STXBP4: variants seen among roughly 807,000 people sequenced by gnomAD.
The protein encoded by STXBP4 is syntaxin-binding protein 4.
Under a neutral mutation model 76.1 loss-of-function variants are expected in STXBP4, and 55 were observed. That is an observed-to-expected ratio of 0.72 (90% CI 0.58 to 0.91). The LOEUF (loss-of-function observed/expected upper bound fraction) is 0.91. STXBP4 is among the 40% of genes least tolerant of loss of function. The pLI is 0.00. For missense variants in STXBP4, 618 were observed against 636.9 expected, an observed-to-expected ratio of 0.97 and a Z score of 0.32; for synonymous variants, 201 against 220.2, an observed-to-expected ratio of 0.91 and a Z score of 0.77.
rs2080363548 is a variant in STXBP4 at position 55,164,434 on chromosome 17, A to ATTTTTTTT, written c.*4526_*4527insTTTTTTTT. 1.3e-5 allele frequency: 1 copy of ATTTTTTTT among 76,616 alleles called. No homozygotes were observed. Among genetic ancestry groups the ATTTTTTTT allele is most frequent in the Non-Finnish European group, 2.7e-5 (1 of 36,790 alleles). 4.7% of individuals were successfully genotyped at this position (76,616 alleles called of 1,614,324 possible). Reference sequence around the variant, plus strand: ...TTCTCTATATCACTCTACCCTGTTTATTTCTTTTTTTTTTTTTTTTTTTTT... The same window carrying ATTTTTTTT: ...TTCTCTATATCACTCTACCCTGTTTATTTTTTTTTTTCTTTTTTTTTTTTTTTTTTTTT... On this transcript the variant is annotated 3_prime_UTR_variant, in exon 18 of 18. Coordinates refer to ENST00000376352, the MANE Select transcript of STXBP4 (RefSeq NM_178509.6).
intron 16 of STXBP4, among the ~76,000 whole-genome samples, chr17:55,100,793 T>C (rs1169475353): frequency 6.6e-6 from 1 of 152,172 alleles, no homozygotes; most frequent in African/African-American, 2.4e-5. Flanking sequence ...AACTATACAA[T>C]ACAGCAAAGT....
chr17:55,087,141 T>G (rs1375751742), intron 16 of STXBP4, among the ~76,000 whole-genome samples: 1 of 152,160 alleles, frequency 6.6e-6, no homozygotes, highest in Non-Finnish European at 1.5e-5. Context: ...TTTCTGCTAG[T>G]AGTTTGAGTT....
chr17:55,144,497 G>A (rs567497112), intron 17 of STXBP4, among the ~76,000 whole-genome samples: 6 of 152,246 alleles, frequency 3.9e-5, no homozygotes, highest in South Asian at 2.1e-4. Flanking sequence ...GGGATATTAC[G>A]CTGTATAAGA....
the STXBP4 span, among the ~76,000 whole-genome samples, chr17:55,200,690 G>A: frequency 6.6e-5 from 10 of 152,074 alleles, no homozygotes; most frequent in Admixed American, 2.6e-4. Flanking sequence ...TTGCAGTCAC[G>A]CTACTCTTTG....
At chr17:54,996,695 G>T (rs2077809071) in intron 4 of STXBP4, among the ~76,000 whole-genome samples, 1 of 152,112 alleles carries the variant, frequency 6.6e-6, no homozygotes, top group East Asian at 1.9e-4. Context: ...GTAATAACTG[G>T]AGTTAAAAGA....
chr17:55,016,448 G>T (rs557917663), intron 8 of STXBP4, among the ~76,000 whole-genome samples: 1 of 152,124 alleles, frequency 6.6e-6, no homozygotes, highest in African/African-American at 2.4e-5. Context: ...ATGCAAATTC[G>T]TTTCAGAGAG....
At chr17:55,114,804 G>A (rs775371545) in intron 16 of STXBP4, among the ~76,000 whole-genome samples, 3 of 151,816 alleles carry the variant, frequency 2.0e-5, no homozygotes, top group Non-Finnish European at 4.4e-5. Context: ...GAAGCCCTAA[G>A]TTCTTCCCAT....
At chr17:55,181,252 C>G in the STXBP4 span, among the ~76,000 whole-genome samples, 727 of 152,240 alleles carry the variant, frequency 4.8e-3, 6 homozygotes, top group African/African-American at 0.017. Flanking sequence ...TGAAAAAGTC[C>G]TCATGCTATC....
intron 16 of STXBP4, among the ~76,000 whole-genome samples, chr17:55,088,438 C>T (rs114380381): frequency 0.042 from 6,433 of 152,190 alleles, 141 homozygotes; most frequent in African/African-American, 0.053. Flanking sequence ...TTCTGTTGCC[C>T]GGGCTGGAGT....
chr17:55,145,330 G>A (rs986338716), intron 17 of STXBP4, among the ~76,000 whole-genome samples: 1 of 152,174 alleles, frequency 6.6e-6, no homozygotes, highest in Non-Finnish European at 1.5e-5. Flanking sequence ...AATGGACTCA[G>A]ATCATTGCTC....
chr17:55,011,130 A>G (rs2144564733), intron 8 of STXBP4, among the ~76,000 whole-genome samples: 1 of 152,310 alleles, frequency 6.6e-6, no homozygotes, highest in Middle Eastern at 3.4e-3. Context: ...GCTTAGCTCT[A>G]TATCAAAGTA....
the STXBP4 span, among the ~76,000 whole-genome samples, chr17:55,202,808 G>C: frequency 1.3e-5 from 2 of 152,038 alleles, no homozygotes; most frequent in Admixed American, 1.3e-4. Flanking sequence ...ATCATTTCTT[G>C]TTCTTCCCCA....
chr17:55,109,188 A>T (rs2079678078), intron 16 of STXBP4, among the ~76,000 whole-genome samples: 3 of 152,188 alleles, frequency 2.0e-5, no homozygotes, highest in Admixed American at 2.0e-4. Context: ...ATTGCCTAAG[A>T]CTATTATTCG....
chr17:55,142,237 T>C (rs1413019239), intron 17 of STXBP4, among the ~76,000 whole-genome samples: 1 of 152,176 alleles, frequency 6.6e-6, no homozygotes, highest in Non-Finnish European at 1.5e-5. Context: ...TTCTACCGTT[T>C]CCTGAAAATT....
At chr17:55,063,723 C>A (rs1487992178) in intron 12 of STXBP4, among the ~76,000 whole-genome samples, 1 of 151,960 alleles carries the variant, frequency 6.6e-6, no homozygotes, top group Non-Finnish European at 1.5e-5. Flanking sequence ...TAATAGGTGC[C>A]CTGTGGCTGG....
intron 16 of STXBP4, among the ~76,000 whole-genome samples, chr17:55,122,622 C>A (rs567100447): frequency 1.3e-5 from 2 of 152,210 alleles, no homozygotes; most frequent in Admixed American, 1.3e-4. Context: ...TTACTCCATG[C>A]AGTTAATTTT....
chr17:55,098,521 C>A (rs1332942980), intron 16 of STXBP4, among the ~76,000 whole-genome samples: 1 of 152,148 alleles, frequency 6.6e-6, no homozygotes, highest in African/African-American at 2.4e-5. Flanking sequence ...GCATTTCATC[C>A]ATGTGAGGCA....
chr17:55,168,745 C>A lies in STXBP4; in HGVS notation c.*8834C>A, dbSNP rs1407974037. ...TAAACCACAATTTTTCACGGTAACACCCTCTCTGCCATCAGGATAAATAAC... is the reference window on the plus strand; with the variant it reads ...TAAACCACAATTTTTCACGGTAACAACCTCTCTGCCATCAGGATAAATAAC... On this transcript the variant is annotated 3_prime_UTR_variant, in exon 18 of 18. Coordinates refer to ENST00000376352, the MANE Select transcript of STXBP4 (RefSeq NM_178509.6). 6.6e-6 allele frequency: 1 copy of A among 152,160 alleles called. No individual in the cohort carries two copies. The highest frequency in any genetic ancestry group is 1.5e-5 in the Non-Finnish European group (1 of 68,022). The allele number at this position is 152,160 out of a possible 1,614,324, so 9.4% of individuals were successfully genotyped here.
At chr17:55,019,573 C>A (rs1441241233) in intron 8 of STXBP4, among the ~76,000 whole-genome samples, 1 of 152,012 alleles carries the variant, frequency 6.6e-6, no homozygotes, top group Non-Finnish European at 1.5e-5. Flanking sequence ...TTATTATAAT[C>A]TTGTAGCCAA....
Sources: gnomAD v4.1 joint callset for allele counts (sites outside exome capture counted in the v4.1 genomes callset) on GRCh38, gnomAD v4.1.1 for gene constraint, MANE v1.5 for transcripts, NCBI Gene and HGNC (gene_info 2026-07-23, HGNC 2026-07-21) for gene names.